Variants in RXRA observed in about 807,000 individuals in gnomAD.
RXRA encodes retinoid X receptor alpha.
RXRA carries 5 observed loss-of-function variants against 44.5 expected under a neutral mutation model. The ratio of observed to expected loss-of-function variants is 0.11; its 90% CI spans 0.06 to 0.24. The LOEUF is 0.24. Ranked by LOEUF, RXRA falls within the 10% of genes least tolerant of loss-of-function variation. The pLI, the probability that RXRA is intolerant of heterozygous loss-of-function variation, is 1.00. For missense variants in RXRA, 412 were observed against 646.5 expected (o/e 0.64, Z 3.93); for synonymous variants, 291 against 271.4 (o/e 1.07, Z -0.71).
Position 134,417,567 on chromosome 9 carries a change from AGGGGCCCGGGGCCT to A in RXRA, c.780+248_780+261del, listed in dbSNP as rs1482249613. Among the ~76,000 whole-genome samples, 128 of 151,492 alleles carry A rather than the reference AGGGGCCCGGGGCCT, an allele frequency of 8.4e-4. No homozygotes were observed. Among genetic ancestry groups the A allele is most frequent in the African/African-American group, 2.5e-3 (103 of 40,958 alleles). On this transcript the variant is annotated intron_variant, in intron 5 of 9. Transcript: ENST00000481739. The surrounding 1 kb of genome is among the most constrained non-coding windows in gnomAD (Gnocchi z 6.1). ...GCCCATGGGGCAGGGGCCAGGGGCC[AGGGGCCCGGGGCCT>A]GGGGCCCTGCGGCCACATCATCATC...
intron 1 of RXRA, among the ~76,000 whole-genome samples, chr9:134,387,681 C>T (rs1388745842): frequency 2.0e-5 from 3 of 152,218 alleles, no homozygotes; most frequent in African/African-American, 7.2e-5. Context: ...CGTCCATGAG[C>T]GTTCCCCGCA....
chr9:134,369,810 G>A (rs1156351691), intron 1 of RXRA, among the ~76,000 whole-genome samples: 1 of 152,126 alleles, frequency 6.6e-6, no homozygotes, highest in Non-Finnish European at 1.5e-5. Flanking sequence ...GAGAGGCTGA[G>A]TCCAGAGGTC....
In RXRA at chr9:134,417,026, C is replaced by G. The variant is rs1271904541; in HGVS notation, c.611-132C>G. On this transcript the variant is annotated intron_variant, in intron 4 of 9. Transcript: ENST00000481739. This position sits in a 1 kb window ranked among gnomAD's most constrained non-coding sequence, Gnocchi z 6.1. ...TGGGGCAGAGATGGGGTCTCCATCA[C>G]CCAGTGCTGGTGGGGATGCTGGTGT... 4.3e-6 allele frequency: 4 copies of G among 938,690 alleles called. No homozygotes were observed. Among genetic ancestry groups the G allele is most frequent in the Non-Finnish European group, 6.4e-6 (4 of 628,216 alleles). The allele number at this position is 938,690 out of a possible 1,614,324, so 58.1% of individuals were successfully genotyped here.
rs1342957209 is a variant in RXRA, at chr9:134,426,703, T to C, written c.911-2405T>C. 1 of 984,970 alleles carries C rather than the reference T, an allele frequency of 1.0e-6. No homozygotes were observed. The highest frequency in any genetic ancestry group is 6.2e-5 in the Admixed American group (1 of 16,234). 61.0% of individuals were successfully genotyped at this position (984,970 alleles called of 1,614,324 possible). On this transcript the variant is annotated intron_variant, in intron 6 of 9. Transcript: ENST00000481739. This position sits in a 1 kb window ranked among gnomAD's most constrained non-coding sequence, Gnocchi z 4.6. ...GTGGCCTCAGGGGCTCTCGGGGCAG[T>C]GGGAGGGGAGGTGGCCACTGCTCAG...
chr9:134,388,860 T>C (rs1256426954), intron 1 of RXRA, among the ~76,000 whole-genome samples: 1 of 152,198 alleles, frequency 6.6e-6, no homozygotes, highest in Non-Finnish European at 1.5e-5. Flanking sequence ...CTGTGAGTTC[T>C]CTGGAGGGAC....
At chr9:134,418,798 T>C (rs1269520035) in intron 5 of RXRA, among the ~76,000 whole-genome samples, 1 of 152,182 alleles carries the variant, frequency 6.6e-6, no homozygotes, top group Non-Finnish European at 1.5e-5. Flanking sequence ...AGGCTGCTGG[T>C]GATGGCTGTG....
intron 1 of RXRA, among the ~76,000 whole-genome samples, chr9:134,371,295 C>T (rs1830488509): frequency 6.6e-6 from 1 of 152,186 alleles, no homozygotes; most frequent in African/African-American, 2.4e-5. Flanking sequence ...GTGTCCTTTG[C>T]CGTGAGGTCT....
At chr9:134,348,739 A>G (rs1166206302) in intron 1 of RXRA, among the ~76,000 whole-genome samples, 1 of 152,172 alleles carries the variant, frequency 6.6e-6, no homozygotes, top group Non-Finnish European at 1.5e-5. Flanking sequence ...CAAAGGCATC[A>G]CGTGTCCGCC....
At position 134,436,678 on chromosome 9, in the gene RXRA, TCTC is replaced by T; in HGVS notation, c.*65_*67del. 1.9e-6 allele frequency: 3 copies of T among 1,594,878 alleles called. No individual in the cohort carries two copies. The highest frequency in any genetic ancestry group is 2.6e-6 in the Non-Finnish European group (3 of 1,167,372). ...ACCCTGCCTGGACGCCAGCTGTTCT[TCTC>T]AGCCTGAGCCCTGTCCCTGCCCTTC... On this transcript the variant is annotated 3_prime_UTR_variant, in exon 10 of 10. Transcript: ENST00000481739.
chr9:134,408,400 A>G (rs1220585138), intron 3 of RXRA, 101 bp downstream of exon 3: 1 of 1,308,616 alleles, frequency 7.6e-7, no homozygotes, highest in Non-Finnish European at 1.0e-6. Flanking sequence ...GCCAAGCAGG[A>G]CCCAAGGCCA....
intron 6 of RXRA, chr9:134,424,099 G>A (rs1831394335): frequency 4.1e-6 from 4 of 985,256 alleles, no homozygotes; most frequent in South Asian, 9.4e-5. Context: ...GGTGGAGTGC[G>A]GTGCTGAGGG....
intron 4 of RXRA, among the ~76,000 whole-genome samples, chr9:134,409,984 C>T (rs1030619127): frequency 4.6e-5 from 7 of 152,190 alleles, no homozygotes; most frequent in Non-Finnish European, 8.8e-5. Flanking sequence ...ACTTCCTCCC[C>T]GCCAGCCCCT....
chr9:134,361,602 T>A (rs1312580597), intron 1 of RXRA, among the ~76,000 whole-genome samples: 3 of 152,234 alleles, frequency 2.0e-5, no homozygotes, highest in African/African-American at 7.2e-5. Flanking sequence ...TTCCACACCG[T>A]CAGTGGCCGT....
At chr9:134,330,665 G>A (rs955170277) in intron 1 of RXRA, among the ~76,000 whole-genome samples, 4 of 152,198 alleles carry the variant, frequency 2.6e-5, no homozygotes, top group African/African-American at 9.6e-5. Flanking sequence ...GATGGAGGTG[G>A]TGGTGGTTTT....
intron 1 of RXRA, among the ~76,000 whole-genome samples, chr9:134,386,630 C>G (rs1008966550): frequency 2.6e-5 from 4 of 152,204 alleles, no homozygotes; most frequent in African/African-American, 9.6e-5. Context: ...GTCATGGGAG[C>G]GTTCTGATTC....
chr9:134,342,877 C>T lies in RXRA; in HGVS notation c.28+16218C>T, dbSNP rs1298773554. On this transcript the variant is annotated intron_variant, in intron 1 of 9. Transcript: ENST00000481739. This position sits in a 1 kb window ranked among gnomAD's most constrained non-coding sequence, Gnocchi z 4.4. ...CCTGCCACCACCACAGTGACCTTCC[C>T]TTTGTATGTGAGTGATGTGGGTGGC... Among the ~76,000 whole-genome samples the T allele has an allele frequency of 2.0e-5, 3 of 152,174 alleles. No homozygotes were observed. The highest frequency in any genetic ancestry group is 4.4e-5 in the Non-Finnish European group (3 of 68,022).
chr9:134,400,119 G>A (rs1452178078), intron 1 of RXRA, among the ~76,000 whole-genome samples: 3 of 152,224 alleles, frequency 2.0e-5, no homozygotes, highest in Non-Finnish European at 2.9e-5. Context: ...GAGTTTCCAC[G>A]CTGCCGAGTG....
chr9:134,396,280 G>T (rs1302014710), intron 1 of RXRA, among the ~76,000 whole-genome samples: 1 of 152,138 alleles, frequency 6.6e-6, no homozygotes, highest in Non-Finnish European at 1.5e-5. Context: ...ACCCTCTGGG[G>T]CTTGTGGCCA....
At chr9:134,361,582 C>A (rs1231770317) in intron 1 of RXRA, among the ~76,000 whole-genome samples, 1 of 152,236 alleles carries the variant, frequency 6.6e-6, no homozygotes, top group Non-Finnish European at 1.5e-5. Context: ...GTGCGTGATT[C>A]ATCAGGGCCT....
Sources: allele counts gnomAD v4.1 joint callset (sites outside exome capture counted in the v4.1 genomes callset), GRCh38; gene constraint gnomAD v4.1.1; non-coding constraint Gnocchi (gnomAD v3.1); transcripts MANE v1.5; gene names NCBI Gene and HGNC (gene_info 2026-07-23, HGNC 2026-07-21).